Variants in NUP43 observed in about 807,000 individuals in gnomAD.
NUP43 encodes the protein nucleoporin 43.
Under a neutral mutation model 47.3 loss-of-function variants are expected in NUP43, and 32 were observed. That is an observed-to-expected ratio of 0.68 (90% confidence interval 0.51 to 0.91). NUP43 has a LOEUF of 0.91. Among genes scored for constraint, NUP43 ranks in the 40% least tolerant of loss-of-function variants. NUP43 has a pLI of 0.00. For synonymous variants in NUP43, 147 were observed against 158.4 expected, an observed-to-expected ratio of 0.93 and a Z score of 0.54; for missense variants, 444 against 453.9, an observed-to-expected ratio of 0.98 and a Z score of 0.20.
At chr6:149,747,164 A>G (rs913450988), upstream of NUP43, among the ~76,000 whole-genome samples, 2 of 152,206 alleles carry the variant, frequency 1.3e-5, no homozygotes, top group Non-Finnish European at 2.9e-5. Flanking sequence ...GCTTTTGGTT[A>G]CACCTATAAT....
chr6:149,748,255 G>T (rs3763161), upstream of NUP43, among the ~76,000 whole-genome samples: 1 of 152,056 alleles, frequency 6.6e-6, no homozygotes, highest in Non-Finnish European at 1.5e-5. Context: ...GGAGGTGGAG[G>T]TTGCAATGAG....
chr6:149,731,639 G>A lies in NUP43; in HGVS notation c.887C>T (p.Pro296Leu), dbSNP rs1209184430. The A allele has an allele frequency of 1.2e-6, 2 of 1,613,626 alleles. No homozygotes were observed. The highest frequency in any genetic ancestry group is 3.3e-4 in the Middle Eastern group (2 of 6,062). Residue 296 changes from proline to leucine, a missense_variant, in exon 7 of 8, where the codon CCT becomes CTT. Physicochemically the swap from Pro to Leu is moderately conservative, Grantham distance 98. Coordinates refer to ENST00000340413, the MANE Select transcript of NUP43 (RefSeq NM_198887.3). ...TTGGTGAAAGAGTGACGACTTTTCA[G>A]GTACATCTGTGGAAGCATCCCAGTG... ...LWHWDASTDV[P>L]EKSSLFHQGG...
chr6:149,744,445 A>T (rs977150572), intron 2 of NUP43, among the ~76,000 whole-genome samples: 5 of 149,614 alleles, frequency 3.3e-5, no homozygotes, highest in African/African-American at 1.2e-4. Context: ...AATCACTTGA[A>T]CCCACGAGGT....
At chr6:149,739,108 A>G (rs9479494) in intron 4 of NUP43, among the ~76,000 whole-genome samples, 66,110 of 151,376 alleles carry the variant, frequency 0.44, 15,436 homozygotes, top group East Asian at 0.81. Context: ...AGCCTCCCAA[A>G]TAGCTGGGAT....
At chr6:149,744,611 G>A (rs1480720293) in intron 2 of NUP43, among the ~76,000 whole-genome samples, 1 of 151,732 alleles carries the variant, frequency 6.6e-6, no homozygotes, top group African/African-American at 2.4e-5. Flanking sequence ...GCCAAGCCGG[G>A]TGGACCACGA....
At chr6:149,740,676 C>A (rs1785603660) in intron 4 of NUP43, among the ~76,000 whole-genome samples, 1 of 152,024 alleles carries the variant, frequency 6.6e-6, no homozygotes, top group African/African-American at 2.4e-5. Flanking sequence ...TTCATGGGCT[C>A]AATTCCTAGA....
intron 5 of NUP43, among the ~76,000 whole-genome samples, chr6:149,737,180 A>G (rs1562379238): frequency 6.6e-6 from 1 of 151,878 alleles, no homozygotes; most frequent in Non-Finnish European, 1.5e-5. Flanking sequence ...GCTACTTGGG[A>G]GGCTGAGGCA....
chr6:149,734,404 G>A (rs1785215926), intron 6 of NUP43, among the ~76,000 whole-genome samples: 1 of 151,914 alleles, frequency 6.6e-6, no homozygotes, highest in South Asian at 2.1e-4. Flanking sequence ...GGAGGCTGAG[G>A]TGGGAGGACT....
At position 149,742,374 on chromosome 6, in the gene NUP43, C is replaced by T. The variant is rs1199286059; in HGVS notation, c.502+16G>A. On this transcript the variant is annotated intron_variant, in intron 4 of 7. Transcript: ENST00000340413. ...ACTAGGTTTCGCCATGTTGGCCAGG[C>T]TGGGATTTTTCTTACCTATGGTTCT... 2.5e-6 allele frequency: 4 copies of T among 1,612,096 alleles called. No individual in the cohort carries two copies. The African/African-American group carries it at 4.0e-5, about 16-fold the overall frequency.
chr6:149,746,388 A>G lies in NUP43; in HGVS notation c.108T>C (p.Ser36=). 1 of 1,614,176 alleles carries G rather than the reference A, an allele frequency of 6.2e-7. No homozygotes were observed. The highest frequency in any genetic ancestry group is 1.1e-5 in the South Asian group (1 of 91,082). ...LQTAETFATG[S]WDNEENYISL... is the part of the protein sequence containing the mutation. ...TCAGCGGCGATACCTCATTGTCCCA[A>G]GATCCTGTAGCGAACGTCTCCGCGG... is the stretch of plus-strand genomic sequence containing the variant. Residue 36 remains serine (S), a synonymous_variant, in exon 1 of 8, where the codon TCT becomes TCC. Transcript: ENST00000340413.
chr6:149,726,021 G>A lies in NUP43; in HGVS notation c.*948C>T, dbSNP rs1342362603. 2.0e-5 allele frequency: 3 copies of A among 152,124 alleles called. No individual in the cohort carries two copies. Among genetic ancestry groups the A allele is most frequent in the Non-Finnish European group, 2.9e-5 (2 of 68,030 alleles). 9.4% of individuals were successfully genotyped at this position (152,124 alleles called of 1,614,324 possible). ...TGGCAACTTTCAGCTATGCTGTGAA[G>A]CTAAACAAAAGCAAAGTTGGGTCTA... is the stretch of plus-strand genomic sequence containing the variant. On this transcript the variant is annotated 3_prime_UTR_variant, in exon 8 of 8. Transcript: ENST00000340413.
rs2115075562 is a variant in NUP43 at position 149,728,943 on chromosome 6, C to T, written c.914-1745G>A. 1.3e-5 allele frequency among the ~76,000 whole-genome samples: 2 copies of T among 152,272 alleles called. 1 individual carries two copies. Among genetic ancestry groups the T allele is most frequent in the South Asian group, 4.1e-4 (2 of 4,828 alleles). ...CTTTATTCTTTATCCTCCTACTCTG[C>T]TGTATTCTTCTTCATGGTAATTAGC... On this transcript the variant is annotated intron_variant, in intron 7 of 7. Transcript: ENST00000340413.
intron 7 of NUP43, among the ~76,000 whole-genome samples, chr6:149,728,667 T>G: frequency 6.6e-6 from 1 of 152,308 alleles, no homozygotes; most frequent in Middle Eastern, 3.4e-3. Context: ...GTCCTTATCA[T>G]GGGCTACAAA....
intron 6 of NUP43, among the ~76,000 whole-genome samples, chr6:149,733,400 G>A (rs112125434): frequency 0.03 from 4,583 of 152,076 alleles, 266 homozygotes; most frequent in African/African-American, 0.1. Flanking sequence ...CATACTTTAG[G>A]AACATAGGTC....
rs1318366568 is a variant in NUP43, at chr6:149,724,390, G to A, written c.*2579C>T. The A allele has an allele frequency of 2.6e-5, 4 of 151,868 alleles. No homozygotes were observed. The highest frequency in any genetic ancestry group is 1.9e-4 in the East Asian group (1 of 5,170). 9.4% of individuals were successfully genotyped at this position (151,868 alleles called of 1,614,324 possible). On this transcript the variant is annotated 3_prime_UTR_variant, in exon 8 of 8. Coordinates refer to ENST00000340413, the MANE Select transcript of NUP43 (RefSeq NM_198887.3). ...AAGCGTCCCAACACAAAGCAGATTC[G>A]AACATAACAACTGGTGATTGGCTCA... is the stretch of plus-strand genomic sequence containing the variant.
intron 7 of NUP43, among the ~76,000 whole-genome samples, chr6:149,729,203 G>C (rs1784918264): frequency 6.6e-6 from 1 of 152,082 alleles, no homozygotes; most frequent in Non-Finnish European, 1.5e-5. Flanking sequence ...GTTGGACCAG[G>C]CTGGTCTTGA....
intron 7 of NUP43, among the ~76,000 whole-genome samples, chr6:149,730,755 A>G (rs1046635704): frequency 2.6e-5 from 4 of 151,762 alleles, no homozygotes; most frequent in Admixed American, 1.3e-4. Context: ...GCATAGTGAG[A>G]GCTCATCTCT....
intron 6 of NUP43, among the ~76,000 whole-genome samples, chr6:149,734,625 C>T (rs1446788373): frequency 6.6e-6 from 1 of 151,696 alleles, no homozygotes; most frequent in African/African-American, 2.4e-5. Context: ...TGGTGAAACC[C>T]CATTCCTACT....
intron 3 of NUP43, among the ~76,000 whole-genome samples, chr6:149,743,122 G>A (rs1232039660): frequency 6.6e-6 from 1 of 151,610 alleles, no homozygotes; most frequent in African/African-American, 2.4e-5. Context: ...GTTGCAGTGA[G>A]CAGAGATCGC....
Sources: allele counts gnomAD v4.1 joint callset (sites outside exome capture counted in the v4.1 genomes callset), GRCh38; gene constraint gnomAD v4.1.1; transcripts MANE v1.5; gene names NCBI Gene and HGNC (gene_info 2026-07-23, HGNC 2026-07-21).